The following DMD variants were observed in gnomAD, a reference collection of about 807,000 sequenced individuals.
DMD encodes the protein dystrophin.
A neutral mutation model predicts 330.1 loss-of-function variants in DMD; 63 were observed. The observed-to-expected ratio is 0.19, with a 90% CI of 0.16 to 0.24. The LOEUF (loss-of-function observed/expected upper bound fraction) is 0.24, where lower values mean the gene tolerates loss of function less well. DMD is among the 10% of genes least tolerant of loss of function. DMD has a pLI of 1.00. For synonymous variants in DMD, 1,223 were observed against 959.8 expected (o/e 1.27, Z -5.07); for missense variants, 3,344 against 2,684.1 (o/e 1.25, Z -5.43).
At chrX:32,413,710 C>CTTTTTTTTT (rs779787287) in intron 29 of DMD, among the ~76,000 whole-genome samples, 4 of 78,577 alleles carry the variant, frequency 5.1e-5, no homozygotes, top group Admixed American at 1.4e-4. Flanking sequence ...AAGCTCTATT[C>CTTTTTTTTT]TTTTTTTTTT....
At chrX:32,098,832 A>G (rs1374913801) in intron 44 of DMD, among the ~76,000 whole-genome samples, 1 of 112,293 alleles carries the variant, frequency 8.9e-6, no homozygotes, top group Admixed American at 9.5e-5. Flanking sequence ...GGTTTGTTTC[A>G]TCTCTTCATT....
At chrX:31,934,546 A>G (rs755709) in intron 45 of DMD, among the ~76,000 whole-genome samples, 39,442 of 110,588 alleles carry the variant, frequency 0.36, 5,284 homozygotes, top group African/African-American at 0.48. Context: ...CACGCATGCA[A>G]TGAGAAATAA....
chrX:31,359,154 T>C (rs1391125534), intron 60 of DMD, among the ~76,000 whole-genome samples: 2 of 112,326 alleles, frequency 1.8e-5, no homozygotes, highest in African/African-American at 3.2e-5. Flanking sequence ...TTTAGTGAAT[T>C]TGTAGATTTG....
At chrX:32,335,788 C>A (rs28890255) in intron 41 of DMD, among the ~76,000 whole-genome samples, 2,689 of 98,905 alleles carry the variant, frequency 0.027, 94 homozygotes, top group East Asian at 0.096. Context: ...ATATGTATAA[C>A]ATGTTATATA....
intron 1 of DMD, among the ~76,000 whole-genome samples, chrX:33,202,091 A>G (rs1175836261): frequency 4.5e-5 from 5 of 112,228 alleles, no homozygotes; most frequent in Non-Finnish European, 9.4e-5. Context: ...AAAATATAAT[A>G]TGCCAATGTC....
At chrX:31,726,522 A>G (rs1235910250) in intron 52 of DMD, among the ~76,000 whole-genome samples, 2 of 112,522 alleles carry the variant, frequency 1.8e-5, no homozygotes, top group Non-Finnish European at 3.8e-5. Flanking sequence ...ATGAGAAAAT[A>G]CAATTTTATG....
chrX:32,256,206 G>T (rs2097297925), intron 43 of DMD, among the ~76,000 whole-genome samples: 1 of 110,926 alleles, frequency 9.0e-6, no homozygotes, highest in African/African-American at 3.3e-5. Context: ...AGTTCTTCTT[G>T]TTGCGTTGCT....
At chrX:31,666,425 A>G (rs2081430764) in intron 53 of DMD, among the ~76,000 whole-genome samples, 1 of 112,163 alleles carries the variant, frequency 8.9e-6, no homozygotes, top group Non-Finnish European at 1.9e-5. Context: ...TCATCAGTCT[A>G]CAACGAACAT....
At chrX:32,200,170 C>A (rs1252902541) in intron 44 of DMD, among the ~76,000 whole-genome samples, 1 of 110,662 alleles carries the variant, frequency 9.0e-6, no homozygotes, top group African/African-American at 3.3e-5. Flanking sequence ...GGGAGAGGAG[C>A]GGAGCTGGGA....
intron 16 of DMD, among the ~76,000 whole-genome samples, chrX:32,560,349 G>A (rs1384964640): frequency 9.0e-6 from 1 of 110,822 alleles, no homozygotes; most frequent in African/African-American, 3.3e-5. Flanking sequence ...CCTTTCAACA[G>A]CACATGTGAT....
At chrX:32,876,208 ATAAGT>A (rs1479057118) in intron 2 of DMD, among the ~76,000 whole-genome samples, 1 of 111,821 alleles carries the variant, frequency 8.9e-6, no homozygotes, top group Non-Finnish European at 1.9e-5. Flanking sequence ...GCCCTAAGAC[ATAAGT>A]TATTTTCACC....
chrX:31,256,402 A>G (rs1294004645), intron 63 of DMD, among the ~76,000 whole-genome samples: 2 of 111,751 alleles, frequency 1.8e-5, no homozygotes, highest in Non-Finnish European at 3.8e-5. Flanking sequence ...TTGTTTGTGT[A>G]GGACTCTGGC....
intron 67 of DMD, among the ~76,000 whole-genome samples, chrX:31,190,105 T>C (rs921132014): frequency 1.1e-4 from 12 of 112,089 alleles, no homozygotes; most frequent in African/African-American, 3.6e-4. Flanking sequence ...CCGGAAATGA[T>C]GCCGTACCCC....
chrX:31,871,981 G>A (rs1342067160), intron 48 of DMD, among the ~76,000 whole-genome samples: 2 of 108,749 alleles, frequency 1.8e-5, no homozygotes, highest in Non-Finnish European at 3.8e-5. Context: ...AAAAAACAAG[G>A]TAAATTATTA....
intron 49 of DMD, among the ~76,000 whole-genome samples, chrX:31,832,408 G>C (rs762615794): frequency 7.2e-5 from 8 of 111,777 alleles, no homozygotes; most frequent in Admixed American, 1.9e-4. Context: ...GCTTCATCTA[G>C]TTAATTAACA....
chrX:32,477,119 C>T (rs1369513296), intron 21 of DMD, among the ~76,000 whole-genome samples: 10 of 110,966 alleles, frequency 9.0e-5, no homozygotes, highest in Non-Finnish European at 1.9e-4. Context: ...ACAGTTTCTA[C>T]TATTCGGCTG....
chrX:32,984,271 TG>T (rs2092786305), intron 2 of DMD, among the ~76,000 whole-genome samples: 1 of 112,458 alleles, frequency 8.9e-6, no homozygotes, highest in Non-Finnish European at 1.9e-5. Context: ...TTTACTTATT[TG>T]AGATGGAGTT....
intron 1 of DMD, among the ~76,000 whole-genome samples, chrX:33,250,728 T>C (rs2052759211): frequency 9.0e-6 from 1 of 111,352 alleles, no homozygotes; most frequent in Non-Finnish European, 1.9e-5. Flanking sequence ...AGGTGGAGAA[T>C]AGAAGTAACT....
At chrX:32,579,188 A>T (rs1398210423) in intron 13 of DMD, among the ~76,000 whole-genome samples, 1 of 112,139 alleles carries the variant, frequency 8.9e-6, no homozygotes, top group Non-Finnish European at 1.9e-5. Flanking sequence ...AAAATGGTGT[A>T]CCTTATATCT....
Sources: gnomAD v4.1 joint callset for allele counts (sites outside exome capture counted in the v4.1 genomes callset) on GRCh38, gnomAD v4.1.1 for gene constraint, MANE v1.5 for transcripts, NCBI Gene and HGNC (gene_info 2026-07-23, HGNC 2026-07-21) for gene names.